Variants in TRIM44 observed in about 807,000 individuals in gnomAD.
TRIM44 encodes the protein tripartite motif-containing protein 44.
A neutral mutation model predicts 37.4 loss-of-function variants in TRIM44; 13 were observed. The observed-to-expected ratio is 0.35, with a 90% CI of 0.23 to 0.55. The LOEUF is 0.55. Among genes scored for constraint, TRIM44 ranks in the 20% least tolerant of loss-of-function variants. The pLI, the probability that TRIM44 is intolerant of heterozygous loss-of-function variation, is 0.89. For synonymous variants in TRIM44, 175 were observed against 157.2 expected (o/e 1.11, Z -0.85); for missense variants, 426 against 437.2 (o/e 0.97, Z 0.23).
At chr11:35,769,969 A>G (rs555493241) in intron 4 of TRIM44, among the ~76,000 whole-genome samples, 6 of 152,274 alleles carry the variant, frequency 3.9e-5, no homozygotes, top group Admixed American at 3.3e-4. Flanking sequence ...ACATTAATAT[A>G]TTGCATGATG....
At chr11:35,740,668 G>C (rs949802924) in intron 4 of TRIM44, among the ~76,000 whole-genome samples, 3 of 152,136 alleles carry the variant, frequency 2.0e-5, no homozygotes, top group Non-Finnish European at 4.4e-5. Context: ...TTCTATTTTT[G>C]ATTCTGTCTG....
Position 35,813,594 on chromosome 11 carries a change from A to G in TRIM44, c.*7209A>G, listed in dbSNP as rs901110795. 2.6e-5 allele frequency: 4 copies of G among 152,182 alleles called. No individual in the cohort carries two copies. The highest frequency in any genetic ancestry group is 9.6e-5 in the African/African-American group (4 of 41,454). 9.4% of individuals were successfully genotyped at this position (152,182 alleles called of 1,614,324 possible). On this transcript the variant is annotated 3_prime_UTR_variant, in exon 5 of 5. Coordinates refer to ENST00000299413, the MANE Select transcript of TRIM44 (RefSeq NM_017583.6). Reference sequence around the variant, plus strand: ...GACTGCAAAGCTCCAAAGCCCTGATATATGGGTTATTTAGTGTCAAAAACA... The same window carrying G: ...GACTGCAAAGCTCCAAAGCCCTGATGTATGGGTTATTTAGTGTCAAAAACA...
chr11:35,768,466 C>G (rs1852825530), intron 4 of TRIM44, among the ~76,000 whole-genome samples: 1 of 152,130 alleles, frequency 6.6e-6, no homozygotes, highest in African/African-American at 2.4e-5. Flanking sequence ...CCCAATATGC[C>G]TCACGGCTAC....
intron 4 of TRIM44, among the ~76,000 whole-genome samples, chr11:35,798,235 C>A (rs1454534343): frequency 6.6e-6 from 1 of 152,178 alleles, no homozygotes; most frequent in Admixed American, 6.5e-5. Context: ...GCATTTGTCT[C>A]ACGTGAGCAG....
chr11:35,673,835 T>A (rs1851428374), intron 1 of TRIM44, among the ~76,000 whole-genome samples: 1 of 152,024 alleles, frequency 6.6e-6, no homozygotes, highest in Non-Finnish European at 1.5e-5. Flanking sequence ...TGACCACCAC[T>A]CTTGACAGGG....
At chr11:35,696,052 T>C (rs866434693) in intron 2 of TRIM44, among the ~76,000 whole-genome samples, 2 of 152,072 alleles carry the variant, frequency 1.3e-5, no homozygotes, top group African/African-American at 4.8e-5. Flanking sequence ...CCATCAAATA[T>C]GTTAAAGGTT....
chr11:35,777,647 C>A (rs1852990328), intron 4 of TRIM44, among the ~76,000 whole-genome samples: 1 of 152,138 alleles, frequency 6.6e-6, no homozygotes, highest in Non-Finnish European at 1.5e-5. Context: ...GTAAGGCAGG[C>A]CTGGTGGTGA....
chr11:35,795,812 C>A (rs1011055175), intron 4 of TRIM44, among the ~76,000 whole-genome samples: 1 of 152,140 alleles, frequency 6.6e-6, no homozygotes, highest in African/African-American at 2.4e-5. Context: ...CACTGTATGA[C>A]TTTTAGTCTC....
At chr11:35,703,516 A>G (rs1851828066) in intron 2 of TRIM44, among the ~76,000 whole-genome samples, 1 of 152,124 alleles carries the variant, frequency 6.6e-6, no homozygotes, top group South Asian at 2.1e-4. Context: ...ACCCCCCAGT[A>G]GGGGTAGACT....
chr11:35,725,806 C>T (rs1197307170), intron 2 of TRIM44, 118 bp from the exon 3 acceptor site: 5 of 1,113,334 alleles, frequency 4.5e-6, no homozygotes, highest in Non-Finnish European at 6.3e-6. Context: ...ATTCCCAAAA[C>T]TTTAGGATTG....
At chr11:35,777,149 T>A (rs1460830752) in intron 4 of TRIM44, among the ~76,000 whole-genome samples, 1 of 152,250 alleles carries the variant, frequency 6.6e-6, no homozygotes, top group Non-Finnish European at 1.5e-5. Context: ...CTGTATTGGG[T>A]GCATATATAT....
chr11:35,699,474 T>C (rs1564959566), intron 2 of TRIM44, among the ~76,000 whole-genome samples: 1 of 152,162 alleles, frequency 6.6e-6, no homozygotes, highest in Non-Finnish European at 1.5e-5. Context: ...GAGCCATCTA[T>C]GACAAACCCA....
intron 4 of TRIM44, among the ~76,000 whole-genome samples, chr11:35,753,230 A>G (rs549144567): frequency 2.6e-5 from 4 of 152,352 alleles, no homozygotes; most frequent in African/African-American, 7.2e-5. Context: ...GAGCAAATGT[A>G]TATGAGTCTT....
Position 35,813,870 on chromosome 11 carries a change from T to G in TRIM44, c.*7485T>G, listed in dbSNP as rs1040632924. 3.9e-5 allele frequency: 6 copies of G among 152,226 alleles called. No individual in the cohort carries two copies. The highest frequency in any genetic ancestry group is 5.9e-5 in the Non-Finnish European group (4 of 68,030). 9.4% of individuals were successfully genotyped at this position (152,226 alleles called of 1,614,324 possible). A position where few individuals can be genotyped will look rare whatever the true frequency, so the allele number is the denominator to read the frequency against. ...AGTGTATATCCCCCTAGCTGACTTTTATTGTTTCATGAGCCTCTGGTGTTC... is the reference window on the plus strand; with the variant it reads ...AGTGTATATCCCCCTAGCTGACTTTGATTGTTTCATGAGCCTCTGGTGTTC... On this transcript the variant is annotated 3_prime_UTR_variant, in exon 5 of 5. Coordinates refer to ENST00000299413, the MANE Select transcript of TRIM44 (RefSeq NM_017583.6).
At chr11:35,762,891 A>G (rs1169752256) in intron 4 of TRIM44, among the ~76,000 whole-genome samples, 2 of 152,184 alleles carry the variant, frequency 1.3e-5, no homozygotes, top group Admixed American at 6.5e-5. Flanking sequence ...AATGGAGATG[A>G]TAATAGTATC....
At position 35,746,446 on chromosome 11, in the gene TRIM44, C is replaced by CTTTTTTTTTTTTT. The variant is rs5791065; in HGVS notation, c.1007+11011_1007+11023dup. Among the ~76,000 whole-genome samples, 24 of 93,174 alleles carry CTTTTTTTTTTTTT rather than the reference C, an allele frequency of 2.6e-4. 1 individual carries two copies. The highest frequency in any genetic ancestry group is 5.3e-4 in the Admixed American group (4 of 7,520). 61.1% of individuals were successfully genotyped at this position (93,174 alleles called of 152,430 possible). ...TTCCCAGCAGCTTCCGGGGGTCCTT[C>CTTTTTTTTTTTTT]TTTTTTTTTTTTTTTTTTTTTTGTA... On this transcript the variant is annotated intron_variant, in intron 4 of 4. Transcript: ENST00000299413.
At chr11:35,765,264 A>T (rs542957313) in intron 4 of TRIM44, among the ~76,000 whole-genome samples, 1 of 152,344 alleles carries the variant, frequency 6.6e-6, no homozygotes, top group East Asian at 1.9e-4. Flanking sequence ...GAAAAAGAAT[A>T]AGCCAGGGGC....
intron 4 of TRIM44, among the ~76,000 whole-genome samples, chr11:35,767,935 G>A (rs1216644704): frequency 6.6e-6 from 1 of 152,130 alleles, no homozygotes; most frequent in Non-Finnish European, 1.5e-5. Flanking sequence ...CAGCTGCAGT[G>A]GAAATTTTAA....
At chr11:35,752,525 G>A (rs553644486) in intron 4 of TRIM44, among the ~76,000 whole-genome samples, 38 of 151,614 alleles carry the variant, frequency 2.5e-4, no homozygotes, top group Admixed American at 7.9e-4. Context: ...GAGTAAGTCC[G>A]CAAGTCCCCT....
Sources: allele counts gnomAD v4.1 joint callset (sites outside exome capture counted in the v4.1 genomes callset), GRCh38; gene constraint gnomAD v4.1.1; transcripts MANE v1.5; gene names NCBI Gene and HGNC (gene_info 2026-07-23, HGNC 2026-07-21).